Variants in ATP8A1 observed in about 807,000 individuals in gnomAD.
The protein encoded by ATP8A1 is ATPase phospholipid transporting 8A1, also known as phospholipid-transporting ATPase IA.
ATP8A1 carries 90 observed loss-of-function variants against 177.7 expected under a neutral mutation model. The ratio of observed to expected loss-of-function variants is 0.51; its 90% CI spans 0.43 to 0.60. ATP8A1 has a LOEUF of 0.60. Among genes scored for constraint, ATP8A1 ranks in the 20% least tolerant of loss-of-function variants. The probability of loss-of-function intolerance (pLI) is 0.00; values close to 1 mark genes in which losing one functional copy is unlikely to be tolerated. For missense variants in ATP8A1, 1,072 were observed against 1,392.8 expected, an observed-to-expected ratio of 0.77 and a Z score of 3.67; for synonymous variants, 493 against 485.9, an observed-to-expected ratio of 1.01 and a Z score of -0.19.
chr4:42,513,990 C>T (rs1385989601), intron 22 of ATP8A1, among the ~76,000 whole-genome samples: 1 of 152,182 alleles, frequency 6.6e-6, no homozygotes, highest in Non-Finnish European at 1.5e-5. Flanking sequence ...GTTCTGCATT[C>T]CACTGGGTAT....
intron 20 of ATP8A1, among the ~76,000 whole-genome samples, chr4:42,536,390 C>T (rs1226949193): frequency 6.6e-6 from 1 of 152,108 alleles, no homozygotes; most frequent in Non-Finnish European, 1.5e-5. Flanking sequence ...AATATACAAC[C>T]CTCCTAGATT....
At chr4:42,445,264 T>G (rs1389650121) in intron 31 of ATP8A1, among the ~76,000 whole-genome samples, 1 of 152,194 alleles carries the variant, frequency 6.6e-6, no homozygotes, top group Non-Finnish European at 1.5e-5. Context: ...GTACTTGCCA[T>G]GGAGTCAGAC....
chr4:42,585,891 T>C (rs1049916708), intron 9 of ATP8A1, among the ~76,000 whole-genome samples: 1 of 152,096 alleles, frequency 6.6e-6, no homozygotes, highest in African/African-American at 2.4e-5. Flanking sequence ...TGAAATTTCA[T>C]GGAGGAGACA....
At chr4:42,526,216 C>T (rs1345274213) in intron 20 of ATP8A1, among the ~76,000 whole-genome samples, 1 of 74,988 alleles carries the variant, frequency 1.3e-5, no homozygotes, top group East Asian at 1.0e-3. Flanking sequence ...AATTTTCTAC[C>T]TTCTTTATAG....
chr4:42,572,237 A>G (rs563689375), intron 14 of ATP8A1, among the ~76,000 whole-genome samples: 2 of 152,300 alleles, frequency 1.3e-5, no homozygotes, highest in South Asian at 4.1e-4. Context: ...TAGTTCCCAT[A>G]TTAAGCAATT....
rs2153178153 is a variant in ATP8A1, at chr4:42,452,061, T to C, written c.2818-2A>G. ...ATTTAAACAATGAACCCAGAAAACC[T>C]GAGGGAAAACAAAAATCCATGAGAA... On this transcript the variant is annotated splice_acceptor_variant, in intron 29 of 36. Transcript: ENST00000381668. LOFTEE classifies it high-confidence loss of function. The C allele has an allele frequency of 6.2e-7, 1 of 1,611,454 alleles. No homozygotes were observed. Among genetic ancestry groups the C allele is most frequent in the Non-Finnish European group, 8.5e-7 (1 of 1,178,542 alleles).
At chr4:42,431,878 C>G (rs996282986) in intron 33 of ATP8A1, among the ~76,000 whole-genome samples, 2 of 152,228 alleles carry the variant, frequency 1.3e-5, no homozygotes, top group Middle Eastern at 3.2e-3. Flanking sequence ...GAAGCATCTT[C>G]TTCGTGAAAT....
chr4:42,578,931 G>C (rs189499040), intron 11 of ATP8A1, among the ~76,000 whole-genome samples: 1 of 152,100 alleles, frequency 6.6e-6, no homozygotes, highest in African/African-American at 2.4e-5. Context: ...GAAACAGACT[G>C]ATGGTAGTAA....
intron 33 of ATP8A1, among the ~76,000 whole-genome samples, chr4:42,429,920 G>C (rs1715077941): frequency 6.6e-6 from 1 of 152,186 alleles, no homozygotes; most frequent in South Asian, 2.1e-4. Flanking sequence ...GCCTGGAATA[G>C]TCAAATTCAG....
intron 17 of ATP8A1, 121 bp from the exon 18 acceptor site, chr4:42,551,401 C>T (rs572697459): frequency 1.7e-5 from 11 of 659,276 alleles, no homozygotes; most frequent in Admixed American, 8.0e-5. Context: ...TATTCTGGCT[C>T]ATGTTATTAA....
At chr4:42,475,151 G>A (rs187682783) in intron 25 of ATP8A1, among the ~76,000 whole-genome samples, 4 of 152,256 alleles carry the variant, frequency 2.6e-5, no homozygotes, top group African/African-American at 9.6e-5. Context: ...ATCCCAAGCA[G>A]TGTGGATTCA....
rs781762756 is a variant in ATP8A1 at position 42,569,152 on chromosome 4, A to T, written c.1340+9T>A. On this transcript the variant is annotated intron_variant, in intron 15 of 36. Coordinates refer to ENST00000381668, the MANE Select transcript of ATP8A1 (RefSeq NM_006095.2). ...GGATCAATGAGGCAGAAAGTTCCATAGAGCTTACCATTCATCAGGAGAGCA... is the reference window on the plus strand; with the variant it reads ...GGATCAATGAGGCAGAAAGTTCCATTGAGCTTACCATTCATCAGGAGAGCA... The T allele has an allele frequency of 1.3e-6, 2 of 1,595,436 alleles. No homozygotes were observed. Among genetic ancestry groups the T allele is most frequent in the Non-Finnish European group, 1.7e-6 (2 of 1,170,348 alleles).
At chr4:42,511,665 G>A (rs1388023395) in intron 22 of ATP8A1, among the ~76,000 whole-genome samples, 2 of 152,168 alleles carry the variant, frequency 1.3e-5, no homozygotes, top group African/African-American at 4.8e-5. Flanking sequence ...TACTGTAAGT[G>A]AGGACAGAAA....
intron 6 of ATP8A1, among the ~76,000 whole-genome samples, chr4:42,592,388 G>A (rs1191810196): frequency 6.6e-6 from 1 of 152,098 alleles, no homozygotes. Flanking sequence ...AAGTTGGATA[G>A]AGTCAGACGG....
At chr4:42,483,025 C>T (rs532293675) in intron 25 of ATP8A1, among the ~76,000 whole-genome samples, 5 of 152,044 alleles carry the variant, frequency 3.3e-5, no homozygotes, top group Admixed American at 6.6e-5. Flanking sequence ...TTCCTGAGGC[C>T]GGGAGATTGT....
intron 20 of ATP8A1, among the ~76,000 whole-genome samples, chr4:42,526,960 C>T (rs897184862): frequency 6.6e-6 from 1 of 151,162 alleles, no homozygotes; most frequent in African/African-American, 2.4e-5. Context: ...ATGCATTTGA[C>T]ATTCCTGATT....
intron 21 of ATP8A1, among the ~76,000 whole-genome samples, chr4:42,524,275 A>G (rs955388269): frequency 3.3e-5 from 5 of 152,200 alleles, no homozygotes; most frequent in East Asian, 1.9e-4. Context: ...GGGGCTCTCT[A>G]AAAAAGTCTT....
intron 24 of ATP8A1, among the ~76,000 whole-genome samples, chr4:42,491,575 T>C (rs1334689608): frequency 6.6e-6 from 1 of 152,160 alleles, no homozygotes; most frequent in East Asian, 1.9e-4. Context: ...CCCTAGACAA[T>C]GAAATCTGAC....
chr4:42,542,169 G>C (rs1183577540), intron 20 of ATP8A1, among the ~76,000 whole-genome samples: 2 of 151,804 alleles, frequency 1.3e-5, no homozygotes, highest in East Asian at 3.9e-4. Flanking sequence ...AATTTTGCTG[G>C]GGACTTAAAA....
Sources: gnomAD v4.1 joint callset for allele counts (sites outside exome capture counted in the v4.1 genomes callset) on GRCh38, gnomAD v4.1.1 for gene constraint, MANE v1.5 for transcripts, NCBI Gene and HGNC (gene_info 2026-07-23, HGNC 2026-07-21) for gene names.